The following SRPK2 variants were observed in gnomAD, a reference collection of about 807,000 sequenced individuals.
The protein encoded by SRPK2 is SFRS protein kinase 2.
Under a neutral mutation model 90.8 loss-of-function variants are expected in SRPK2, and 21 were observed. The observed-to-expected ratio is 0.23, with a 90% CI of 0.16 to 0.33. SRPK2 has a LOEUF of 0.33. Among genes scored for constraint, SRPK2 ranks in the 10% least tolerant of loss-of-function variants. The pLI, the probability that SRPK2 is intolerant of heterozygous loss-of-function variation, is 1.00. For missense variants in SRPK2, 620 were observed against 869.0 expected (o/e 0.71, Z 3.60); for synonymous variants, 288 against 311.1 (o/e 0.93, Z 0.78).
At chr7:105,389,315 C>G (rs776500813), upstream of SRPK2, 7 of 1,281,552 alleles carry the variant, frequency 5.5e-6, no homozygotes, top group Admixed American at 1.6e-4. Flanking sequence ...CTCGCACCAC[C>G]TCTCTTCCCG....
At chr7:105,231,331 T>A (rs947325807) in intron 2 of SRPK2, among the ~76,000 whole-genome samples, 2 of 152,200 alleles carry the variant, frequency 1.3e-5, no homozygotes, top group Non-Finnish European at 2.9e-5. Context: ...GGCATTTACA[T>A]TGATTCCATG....
At chr7:105,202,374 T>C (rs1369964816) in intron 3 of SRPK2, among the ~76,000 whole-genome samples, 1 of 152,220 alleles carries the variant, frequency 6.6e-6, no homozygotes, top group East Asian at 1.9e-4. Context: ...TTTATTCTAA[T>C]GCTATATAGA....
At chr7:105,315,869 T>A (rs565098010) in intron 2 of SRPK2, among the ~76,000 whole-genome samples, 1 of 152,298 alleles carries the variant, frequency 6.6e-6, no homozygotes, top group East Asian at 1.9e-4. Context: ...ATTCTGAGAT[T>A]CTATGATGGT....
At chr7:105,173,924 T>G (rs999803683) in intron 3 of SRPK2, among the ~76,000 whole-genome samples, 4 of 118,200 alleles carry the variant, frequency 3.4e-5, no homozygotes, top group African/African-American at 2.5e-4. Context: ...GTGTTGGTGT[T>G]TTTTTTTTTT....
chr7:105,352,887 G>A (rs564176232), intron 2 of SRPK2, among the ~76,000 whole-genome samples: 4 of 151,798 alleles, frequency 2.6e-5, no homozygotes, highest in South Asian at 2.1e-4. Context: ...GTGACAGAGC[G>A]AGACTCTATC....
intron 2 of SRPK2, among the ~76,000 whole-genome samples, chr7:105,220,819 T>A (rs958336131): frequency 6.6e-6 from 1 of 152,196 alleles, no homozygotes; most frequent in African/African-American, 2.4e-5. Flanking sequence ...ATGTGTCTCA[T>A]TTGTTTCAGA....
intron 2 of SRPK2, chr7:105,204,484 A>T: frequency 5.7e-6 from 2 of 348,254 alleles, no homozygotes; most frequent in Non-Finnish European, 1.1e-5. Context: ...TACTATTCCT[A>T]ACCATGCCCC....
intron 2 of SRPK2, among the ~76,000 whole-genome samples, chr7:105,252,307 A>T (rs992534816): frequency 6.6e-6 from 1 of 152,176 alleles, no homozygotes; most frequent in Admixed American, 6.5e-5. Flanking sequence ...AAAGAATTTT[A>T]AAAAAACAAA....
At chr7:105,269,995 A>T (rs1044405295) in intron 2 of SRPK2, among the ~76,000 whole-genome samples, 1 of 152,164 alleles carries the variant, frequency 6.6e-6, no homozygotes, top group Non-Finnish European at 1.5e-5. Flanking sequence ...AGTAAAGCAA[A>T]TTTTTTTTAA....
At position 105,388,827 on chromosome 7, in the gene SRPK2, G is replaced by C. The variant is rs1221904971; in HGVS notation, c.-21C>G. 2.2e-6 allele frequency: 3 copies of C among 1,357,262 alleles called. No homozygotes were observed. Among genetic ancestry groups the C allele is most frequent in the Non-Finnish European group, 1.9e-6 (2 of 1,060,142 alleles). The allele number at this position is 1,357,262 out of a possible 1,614,324, so 84.1% of individuals were successfully genotyped here. A position where few individuals can be genotyped will look rare whatever the true frequency, so the allele number is the denominator to read the frequency against. ...CTCATTCCGACGCGGCGGAAGCGGG[G>C]CGGGGGGCTTCGCGACGGCGACGCG... On this transcript the variant is annotated 5_prime_UTR_variant, in exon 1 of 16. Coordinates refer to ENST00000393651, the MANE Select transcript of SRPK2 (RefSeq NM_182692.3).
At chr7:105,224,527 T>C (rs1798483218) in intron 2 of SRPK2, among the ~76,000 whole-genome samples, 1 of 152,128 alleles carries the variant, frequency 6.6e-6, no homozygotes, top group Non-Finnish European at 1.5e-5. Context: ...GAGAATCACT[T>C]GAACTCAGGA....
chr7:105,266,269 T>C (rs1056704182), intron 2 of SRPK2, among the ~76,000 whole-genome samples: 2 of 152,092 alleles, frequency 1.3e-5, no homozygotes, highest in African/African-American at 4.8e-5. Context: ...TCCCATTTTA[T>C]AAAATTGAAC....
chr7:105,210,872 T>C (rs888427655), intron 2 of SRPK2, among the ~76,000 whole-genome samples: 7 of 152,058 alleles, frequency 4.6e-5, no homozygotes, highest in Admixed American at 1.3e-4. Flanking sequence ...GAACTGCCAG[T>C]GGCCTCTAGG....
intron 2 of SRPK2, among the ~76,000 whole-genome samples, chr7:105,354,274 G>A (rs55658584): frequency 0.19 from 29,343 of 152,158 alleles, 3,799 homozygotes; most frequent in Middle Eastern, 0.34. Flanking sequence ...GTCCAGGACA[G>A]CTATGGGGCA....
intron 2 of SRPK2, chr7:105,244,789 G>A (rs1801365254): frequency 1.0e-6 from 1 of 967,862 alleles, no homozygotes; most frequent in Non-Finnish European, 1.7e-6. Context: ...TGATCCCGGA[G>A]GCATGTGGCT....
At chr7:105,135,054 G>A (rs1429010976) in intron 11 of SRPK2, among the ~76,000 whole-genome samples, 1 of 152,032 alleles carries the variant, frequency 6.6e-6, no homozygotes, top group African/African-American at 2.4e-5. Context: ...CAGAGGTCCA[G>A]GATAAATATA....
At chr7:105,388,737 CGCCCGCCCG>C in intron 1 of SRPK2, 35 bp from the exon 2 acceptor site, 2 of 1,559,466 alleles carry the variant, frequency 1.3e-6, no homozygotes, top group Non-Finnish European at 1.7e-6. Context: ...ACGGTCGGGC[CGCCCGCCCG>C]GGCTGGCCGC....
chr7:105,282,728 G>A (rs1453105177), intron 2 of SRPK2, among the ~76,000 whole-genome samples: 5 of 152,160 alleles, frequency 3.3e-5, no homozygotes, highest in Non-Finnish European at 7.4e-5. Flanking sequence ...AGCGGAGGTT[G>A]CAGTGAGCCG....
chr7:105,256,419 G>A (rs533043092), intron 2 of SRPK2, among the ~76,000 whole-genome samples: 5 of 152,120 alleles, frequency 3.3e-5, no homozygotes, highest in South Asian at 2.1e-4. Context: ...GCAATGGTGC[G>A]ATCACAGCTC....
Sources: allele counts gnomAD v4.1 joint callset (sites outside exome capture counted in the v4.1 genomes callset), GRCh38; gene constraint gnomAD v4.1.1; transcripts MANE v1.5; gene names NCBI Gene and HGNC (gene_info 2026-07-23, HGNC 2026-07-21).